Variants in E2F5 observed in about 807,000 individuals in gnomAD.
E2F5 encodes transcription factor E2F5.
In E2F5, 23 loss-of-function variants were observed where a neutral mutation model predicts 39.1. The ratio of observed to expected loss-of-function variants is 0.59; its 90% confidence interval spans 0.42 to 0.83. The LOEUF is 0.83. E2F5 is among the 40% of genes least tolerant of loss of function. E2F5 has a pLI of 0.00. For synonymous variants in E2F5, 145 were observed against 157.8 expected (o/e 0.92, Z 0.61); for missense variants, 365 against 406.7 (o/e 0.90, Z 0.88).
intron 5 of E2F5, among the ~76,000 whole-genome samples, 173 bp from the exon 6 acceptor site, chr8:85,208,969 C>G (rs1251457484): frequency 6.6e-6 from 1 of 152,028 alleles, no homozygotes; most frequent in Non-Finnish European, 1.5e-5. Context: ...GGTTTAGAGC[C>G]CTCAAAATTA....
chr8:85,182,386 G>T (rs1052629809), intron 1 of E2F5, among the ~76,000 whole-genome samples: 1 of 152,222 alleles, frequency 6.6e-6, no homozygotes, highest in African/African-American at 2.4e-5. Context: ...CTTGCCTGGT[G>T]TTGTACAGTA....
intron 7 of E2F5, 88 bp downstream of exon 7, chr8:85,212,292 T>C: frequency 3.0e-6 from 3 of 991,196 alleles, no homozygotes; most frequent in Non-Finnish European, 4.6e-6. Flanking sequence ...GAAATGAACA[T>C]ATATTTGCTA....
chr8:85,206,877 C>A (rs981148602), intron 4 of E2F5, among the ~76,000 whole-genome samples: 4 of 152,190 alleles, frequency 2.6e-5, no homozygotes, highest in Non-Finnish European at 4.4e-5. Context: ...CAAGTGGAAT[C>A]TGACTTTCTA....
At position 85,177,515 on chromosome 8, in the gene E2F5, C is replaced by G; in HGVS notation, c.95C>G (p.Ala32Gly). The G allele has an allele frequency of 4.5e-6, 5 of 1,115,512 alleles. No homozygotes were observed. The highest frequency in any genetic ancestry group is 5.5e-6 in the Non-Finnish European group (5 of 914,940). The allele number at this position is 1,115,512 out of a possible 1,614,324, so 69.1% of individuals were successfully genotyped here. A position where few individuals can be genotyped will look rare whatever the true frequency, so the allele number is the denominator to read the frequency against. ...CCGCCGCAGCCTCCGCAGGCGCAAG[C>G]CCCGCAGCCGCCCCCGCCGCCGCAG... ...RPPPQPPQAQ[A>G]PQPPPPPQLG... is the part of the protein sequence containing the mutation. Residue 32 changes from alanine (A) to glycine (G), a missense_variant, in exon 1 of 8, where the codon GCC (alanine) becomes GGC (glycine). Physicochemically the swap from Ala to Gly is moderately conservative, Grantham distance 60 (BLOSUM62 0). Transcript: ENST00000416274.
At chr8:85,207,306 C>A in intron 4 of E2F5, 119 bp from the exon 5 acceptor site, 1 of 734,308 alleles carries the variant, frequency 1.4e-6, no homozygotes, top group Non-Finnish European at 2.2e-6. Flanking sequence ...AAAATCAAAG[C>A]TCAAGGTCAC....
intron 1 of E2F5, 179 bp from the exon 2 acceptor site, chr8:85,201,968 A>AT (rs2129719735): frequency 1.7e-6 from 1 of 587,654 alleles, no homozygotes; most frequent in African/African-American, 1.9e-5. Flanking sequence ...AAATGGAATA[A>AT]TTTCTTTGGT....
intron 7 of E2F5, chr8:85,212,434 T>G: frequency 2.2e-6 from 1 of 456,796 alleles, no homozygotes; most frequent in Non-Finnish European, 3.9e-6. Flanking sequence ...CTTCTCACCT[T>G]CATTGAAAAT....
At chr8:85,198,718 G>T (rs1206321565) in intron 1 of E2F5, among the ~76,000 whole-genome samples, 1 of 152,156 alleles carries the variant, frequency 6.6e-6, no homozygotes, top group African/African-American at 2.4e-5. Context: ...CCCCAGAGTT[G>T]GTTCTTAACC....
At position 85,194,642 on chromosome 8, in the gene E2F5, C is replaced by A. The variant is rs552209291; in HGVS notation, c.235-7505C>A. Among the ~76,000 whole-genome samples the A allele has an allele frequency of 1.2e-4, 17 of 146,234 alleles. No individual in the cohort carries two copies. In the East Asian group the frequency reaches 3.6e-3, roughly 31 times the overall value. The stretch of plus-strand genomic sequence containing the variant: ...CTCTGCCACCCAGGTTTAAGTGATT[C>A]TCCTGCCTCAGCCTCCCAAGTAGCT... On this transcript the variant is annotated intron_variant, in intron 1 of 7. Coordinates refer to ENST00000416274, the MANE Select transcript of E2F5 (RefSeq NM_001951.4).
intron 1 of E2F5, among the ~76,000 whole-genome samples, chr8:85,183,111 G>T (rs899687109): frequency 6.6e-6 from 1 of 152,146 alleles, no homozygotes; most frequent in African/African-American, 2.4e-5. Flanking sequence ...AATTAGCCGG[G>T]TGTGATGACT....
At chr8:85,186,882 G>T (rs1812355906) in intron 1 of E2F5, among the ~76,000 whole-genome samples, 1 of 146,306 alleles carries the variant, frequency 6.8e-6, no homozygotes, top group African/African-American at 2.5e-5. Flanking sequence ...GTATATATAT[G>T]GTATATATAT....
In E2F5 at chr8:85,206,260, A is replaced by G. The variant is rs762997124; in HGVS notation, c.550+40A>G. ...ACTTTTCCTTGCATTCTTCCTCTCAACCTATTTAGTGGAGGGTGATTCAGA... is the reference window on the plus strand; with the variant it reads ...ACTTTTCCTTGCATTCTTCCTCTCAGCCTATTTAGTGGAGGGTGATTCAGA... On this transcript the variant is annotated intron_variant, in intron 4 of 7. Coordinates refer to ENST00000416274, the MANE Select transcript of E2F5 (RefSeq NM_001951.4). 3.8e-6 allele frequency: 6 copies of G among 1,584,520 alleles called. No individual in the cohort carries two copies. In the African/African-American group the frequency reaches 4.1e-5, roughly 11 times the overall value.
intron 1 of E2F5, among the ~76,000 whole-genome samples, chr8:85,194,382 CT>C (rs1812533221): frequency 6.6e-6 from 1 of 152,100 alleles, no homozygotes; most frequent in Non-Finnish European, 1.5e-5. Flanking sequence ...CATGTACATT[CT>C]AGTAGATTCT....
intron 7 of E2F5, 156 bp from the exon 8 acceptor site, chr8:85,213,597 A>G: frequency 2.3e-6 from 1 of 436,834 alleles, no homozygotes; most frequent in Non-Finnish European, 4.0e-6. Flanking sequence ...TCTAATATCA[A>G]TATTCAATGT....
At chr8:85,188,717 C>A (rs117115567) in intron 1 of E2F5, among the ~76,000 whole-genome samples, 1 of 152,280 alleles carries the variant, frequency 6.6e-6, no homozygotes, top group Non-Finnish European at 1.5e-5. Flanking sequence ...CAGGCTGGAT[C>A]TAGAGCTTCA....
intron 1 of E2F5, among the ~76,000 whole-genome samples, chr8:85,180,917 G>A (rs553602171): frequency 6.6e-6 from 1 of 151,428 alleles, no homozygotes; most frequent in South Asian, 2.1e-4. Flanking sequence ...TTATTCTGTC[G>A]CCCAGGCTGG....
intron 1 of E2F5, among the ~76,000 whole-genome samples, chr8:85,191,702 C>T (rs956436342): frequency 6.6e-6 from 1 of 152,188 alleles, no homozygotes; most frequent in Admixed American, 6.5e-5. Context: ...AAGTAGGTTC[C>T]TGCTTATTCT....
chr8:85,183,423 G>A (rs1432947720), intron 1 of E2F5, among the ~76,000 whole-genome samples: 3 of 152,216 alleles, frequency 2.0e-5, no homozygotes, highest in African/African-American at 4.8e-5. Flanking sequence ...AGAATTGAAA[G>A]CAGGGCCTCA....
At position 85,186,915 on chromosome 8, in the gene E2F5, GTA is replaced by G. The variant is rs959437782; in HGVS notation, c.234+9270_234+9271del. On this transcript the variant is annotated intron_variant, in intron 1 of 7. Transcript: ENST00000416274. Reference sequence around the variant, plus strand: ...TATATGTAAGGTATATATATGGTGTGTATATATATAAATTCCTCCTTAGTTTT... The same window carrying G: ...TATATGTAAGGTATATATATGGTGTGTATATATAAATTCCTCCTTAGTTTT... 2.7e-5 allele frequency among the ~76,000 whole-genome samples: 4 copies of G among 148,722 alleles called. No homozygotes were observed. The South Asian group carries it at 8.4e-4, about 31-fold the overall frequency.
Sources: allele counts gnomAD v4.1 joint callset (sites outside exome capture counted in the v4.1 genomes callset), GRCh38; gene constraint gnomAD v4.1.1; transcripts MANE v1.5; gene names NCBI Gene and HGNC (gene_info 2026-07-23, HGNC 2026-07-21).